LRCH1: variants seen among roughly 807,000 people sequenced by gnomAD.
LRCH1 encodes the protein leucine-rich repeat and calponin homology domain-containing protein 1.
A neutral mutation model predicts 94.9 loss-of-function variants in LRCH1; 23 were observed. The ratio of observed to expected loss-of-function variants is 0.24; its 90% confidence interval spans 0.17 to 0.34. The LOEUF is 0.34. LRCH1 is among the 10% of genes least tolerant of loss of function. The pLI is 1.00. For missense variants in LRCH1, 790 were observed against 945.9 expected, an observed-to-expected ratio of 0.84 and a Z score of 2.16; for synonymous variants, 364 against 354.9, an observed-to-expected ratio of 1.03 and a Z score of -0.29.
At chr13:46,643,330 A>G (rs2051181519) in intron 1 of LRCH1, among the ~76,000 whole-genome samples, 1 of 152,186 alleles carries the variant, frequency 6.6e-6, no homozygotes, top group Admixed American at 6.5e-5. Flanking sequence ...TGACCTTTCA[A>G]AAGGCAGAGT....
At position 46,573,864 on chromosome 13, in the gene LRCH1, A is replaced by T. The variant is rs9595494; in HGVS notation, c.307+20161A>T. On this transcript the variant is annotated intron_variant, in intron 1 of 19. Coordinates refer to ENST00000389797, the MANE Select transcript of LRCH1 (RefSeq NM_001164211.2). ...TAGTCAAATATATATATATATATATATATTTTTTTTTTTTTTGAGATGGAG... is the reference window on the plus strand; with the variant it reads ...TAGTCAAATATATATATATATATATTTATTTTTTTTTTTTTTGAGATGGAG... Among the ~76,000 whole-genome samples the T allele has an allele frequency of 6.1e-3, 363 of 59,952 alleles. 6 individuals carry two copies. The highest frequency in any genetic ancestry group is 0.023 in the African/African-American group (305 of 13,502). The allele number at this position is 59,952 out of a possible 152,430, so 39.3% of individuals were successfully genotyped here.
At chr13:46,730,408 C>T (rs1054098777) in intron 18 of LRCH1, among the ~76,000 whole-genome samples, 14 of 152,086 alleles carry the variant, frequency 9.2e-5, no homozygotes, top group African/African-American at 3.4e-4. Flanking sequence ...TCTCAGAGCC[C>T]AGTGTGTTGG....
intron 1 of LRCH1, among the ~76,000 whole-genome samples, chr13:46,559,328 T>G (rs955274230): frequency 3.9e-5 from 6 of 152,344 alleles, no homozygotes; most frequent in African/African-American, 1.4e-4. Context: ...CTTTTTGTGG[T>G]GGTTACTATC....
intron 3 of LRCH1, among the ~76,000 whole-genome samples, chr13:46,677,444 C>CA (rs1427397540): frequency 6.6e-5 from 10 of 151,518 alleles, no homozygotes; most frequent in South Asian, 2.1e-4. Flanking sequence ...CAAAACAAAA[C>CA]AAAAAAAACT....
Position 46,692,648 on chromosome 13 carries a change from G to C in LRCH1, c.1120+7G>C. The stretch of plus-strand genomic sequence containing the variant: ...CGCCTTAGCCCCGTTAAAGGTCTGA[G>C]AATAAAAATGTGGAGAAAGTGCTTG... On this transcript the variant is annotated splice_region_variant and intron_variant, in intron 8 of 19. Transcript: ENST00000389797. The C allele has an allele frequency of 6.2e-7, 1 of 1,605,680 alleles. No homozygotes were observed. Among genetic ancestry groups the C allele is most frequent in the Non-Finnish European group, 8.5e-7 (1 of 1,173,068 alleles).
chr13:46,734,466 AGTTATT>A (rs1360171886), intron 19 of LRCH1, among the ~76,000 whole-genome samples: 4 of 152,212 alleles, frequency 2.6e-5, no homozygotes, highest in African/African-American at 9.6e-5. Context: ...GAAATACTAT[AGTTATT>A]GTTATCACTA....
intron 1 of LRCH1, among the ~76,000 whole-genome samples, chr13:46,608,252 C>T (rs1308034937): frequency 2.0e-5 from 3 of 152,142 alleles, no homozygotes; most frequent in Non-Finnish European, 2.9e-5. Context: ...TGTTCTTGTG[C>T]GACCTCCAGA....
chr13:46,566,583 G>A (rs2050186998), intron 1 of LRCH1, among the ~76,000 whole-genome samples: 1 of 152,234 alleles, frequency 6.6e-6, no homozygotes, highest in Admixed American at 6.5e-5. Context: ...TAGGCAGTCA[G>A]AGTATATTTG....
At chr13:46,736,007 G>A (rs1230326557) in intron 19 of LRCH1, among the ~76,000 whole-genome samples, 1 of 151,940 alleles carries the variant, frequency 6.6e-6, no homozygotes, top group East Asian at 1.9e-4. Flanking sequence ...ATGTTGGCCA[G>A]GCTGGTCGCG....
intron 1 of LRCH1, among the ~76,000 whole-genome samples, chr13:46,572,493 T>A (rs1204527869): frequency 1.3e-5 from 2 of 151,982 alleles, no homozygotes; most frequent in East Asian, 3.9e-4. Flanking sequence ...GAGAACAGAG[T>A]GATCTAAAAG....
chr13:46,661,854 G>C (rs2051452974), intron 2 of LRCH1, among the ~76,000 whole-genome samples: 1 of 152,150 alleles, frequency 6.6e-6, no homozygotes, highest in African/African-American at 2.4e-5. Flanking sequence ...TCAGTAGACT[G>C]TGCTCACCTA....
intron 1 of LRCH1, among the ~76,000 whole-genome samples, chr13:46,597,862 A>G (rs1345719498): frequency 6.6e-6 from 1 of 152,190 alleles, no homozygotes; most frequent in African/African-American, 2.4e-5. Flanking sequence ...TGGTTGATGA[A>G]AATTTTGTGA....
At chr13:46,611,530 T>G (rs2050747516) in intron 1 of LRCH1, among the ~76,000 whole-genome samples, 1 of 152,236 alleles carries the variant, frequency 6.6e-6, no homozygotes, top group South Asian at 2.1e-4. Context: ...ATCAAAACTT[T>G]AAAATTGATA....
In LRCH1 at chr13:46,585,872, T is replaced by C. The variant is rs1008131377; in HGVS notation, c.307+32169T>C. On this transcript the variant is annotated intron_variant, in intron 1 of 19. Coordinates refer to ENST00000389797, the MANE Select transcript of LRCH1 (RefSeq NM_001164211.2). ...CCACAAAGTCTGTGCTTTAAATCTT[T>C]GTAATTTTTTCTTTCCGTTTAAAAT... 2.6e-5 allele frequency among the ~76,000 whole-genome samples: 4 copies of C among 152,130 alleles called. No individual in the cohort carries two copies. The East Asian group carries it at 7.7e-4, about 29-fold the overall frequency.
intron 1 of LRCH1, among the ~76,000 whole-genome samples, chr13:46,632,799 G>A (rs1189290271): frequency 6.6e-6 from 1 of 152,176 alleles, no homozygotes; most frequent in Non-Finnish European, 1.5e-5. Context: ...AAGAGAATAA[G>A]CATTTTGTCT....
chr13:46,560,449 A>G (rs2050118301), intron 1 of LRCH1, among the ~76,000 whole-genome samples: 1 of 152,148 alleles, frequency 6.6e-6, no homozygotes, highest in African/African-American at 2.4e-5. Flanking sequence ...TGGCAATTCC[A>G]CCAGTGATTA....
chr13:46,623,819 G>A (rs773844857), intron 1 of LRCH1, among the ~76,000 whole-genome samples: 19 of 149,080 alleles, frequency 1.3e-4, no homozygotes, highest in Non-Finnish European at 2.5e-4. Flanking sequence ...CCATTAACTC[G>A]TCATCTGCAT....
intron 1 of LRCH1, among the ~76,000 whole-genome samples, chr13:46,648,166 G>C (rs1318992357): frequency 6.6e-6 from 1 of 152,132 alleles, no homozygotes; most frequent in Non-Finnish European, 1.5e-5. Context: ...TCAGACATTA[G>C]ATTCTAACAA....
intron 17 of LRCH1, among the ~76,000 whole-genome samples, chr13:46,726,729 C>A (rs553437989): frequency 6.6e-6 from 1 of 152,054 alleles, no homozygotes. Context: ...TTCTCACCCC[C>A]ACTCAGCAGT....
Sources: gnomAD v4.1 joint callset for allele counts (sites outside exome capture counted in the v4.1 genomes callset) on GRCh38, gnomAD v4.1.1 for gene constraint, MANE v1.5 for transcripts, NCBI Gene and HGNC (gene_info 2026-07-23, HGNC 2026-07-21) for gene names.